Variants in SRRM4 observed in about 807,000 individuals in gnomAD.
SRRM4 encodes the protein serine/arginine repetitive matrix protein 4.
Under a neutral mutation model 68.9 loss-of-function variants are expected in SRRM4, and 33 were observed. That is an observed-to-expected ratio of 0.48 (90% CI 0.36 to 0.64). The LOEUF is 0.64. Ranked by LOEUF, SRRM4 falls within the 30% of genes least tolerant of loss-of-function variation. SRRM4 has a pLI of 0.00. For synonymous variants in SRRM4, 318 were observed against 318.8 expected (o/e 1.00, Z 0.03); for missense variants, 817 against 827.1 (o/e 0.99, Z 0.15).
intron 1 of SRRM4, among the ~76,000 whole-genome samples, chr12:119,037,333 A>G (rs1173567081): frequency 1.3e-5 from 2 of 152,138 alleles, no homozygotes; most frequent in Admixed American, 6.5e-5. Context: ...AGTTTTTCCA[A>G]TCCAGAATGC....
chr12:118,986,290 G>C (rs1041275697), intron 1 of SRRM4, among the ~76,000 whole-genome samples: 2 of 152,162 alleles, frequency 1.3e-5, no homozygotes, highest in African/African-American at 4.8e-5. Context: ...GCTTGCCCTG[G>C]CGGTGAATGA....
chr12:119,012,854 C>G (rs1004635033), intron 1 of SRRM4, among the ~76,000 whole-genome samples: 1 of 152,118 alleles, frequency 6.6e-6, no homozygotes, highest in Non-Finnish European at 1.5e-5. Flanking sequence ...TTGATATTTA[C>G]TACATCTTCA....
chr12:118,999,074 A>G (rs1293446677), intron 1 of SRRM4, among the ~76,000 whole-genome samples: 1 of 152,244 alleles, frequency 6.6e-6, no homozygotes, highest in Non-Finnish European at 1.5e-5. Flanking sequence ...GACAAAATGA[A>G]GACAATCTTG....
intron 1 of SRRM4, among the ~76,000 whole-genome samples, chr12:119,062,526 A>G (rs1274587749): frequency 6.6e-6 from 1 of 152,240 alleles, no homozygotes; most frequent in Non-Finnish European, 1.5e-5. Context: ...TGTACAAAAA[A>G]AAATCTTTAT....
intron 1 of SRRM4, among the ~76,000 whole-genome samples, chr12:118,995,545 T>C (rs1485982850): frequency 6.6e-6 from 1 of 152,154 alleles, no homozygotes; most frequent in East Asian, 1.9e-4. Context: ...TGCCCCATAG[T>C]TCTATTTTGG....
At position 118,981,768 on chromosome 12, in the gene SRRM4, C is replaced by A; in HGVS notation, c.-115C>A. On this transcript the variant is annotated 5_prime_UTR_variant, in exon 1 of 13. Transcript: ENST00000267260. The stretch of plus-strand genomic sequence containing the variant: ...CTGAACTCCGATCTCTCCCACCCCA[C>A]CCCTCTCTGGGTTTCACCCGGACAG... 1.6e-6 allele frequency: 2 copies of A among 1,228,828 alleles called. No individual in the cohort carries two copies. Among genetic ancestry groups the A allele is most frequent in the South Asian group, 1.6e-5 (1 of 64,184 alleles). The allele number at this position is 1,228,828 out of a possible 1,614,324, so 76.1% of individuals were successfully genotyped here.
At chr12:119,117,912 AAAAC>A (rs35121840) in intron 4 of SRRM4, among the ~76,000 whole-genome samples, 172 of 152,066 alleles carry the variant, frequency 1.1e-3, no homozygotes, top group African/African-American at 3.6e-3. Flanking sequence ...CTCTGTCTAA[AAAAC>A]AAACAAACAA....
At chr12:119,100,689 A>T (rs1324864922) in intron 1 of SRRM4, among the ~76,000 whole-genome samples, 2 of 152,226 alleles carry the variant, frequency 1.3e-5, no homozygotes, top group African/African-American at 4.8e-5. Flanking sequence ...ACCCTAGGCC[A>T]GGACAAGTAT....
At chr12:119,146,946 A>C (rs935257315) in intron 9 of SRRM4, among the ~76,000 whole-genome samples, 33 of 152,138 alleles carry the variant, frequency 2.2e-4, no homozygotes, top group African/African-American at 7.7e-4. Context: ...AAAAAAAAAA[A>C]AGAACATATC....
intron 1 of SRRM4, among the ~76,000 whole-genome samples, chr12:119,037,606 ATATGTG>A (rs1364173530): frequency 6.6e-6 from 1 of 152,196 alleles, no homozygotes; most frequent in Non-Finnish European, 1.5e-5. Flanking sequence ...TGATTTATTT[ATATGTG>A]TACCCTGTGG....
chr12:119,005,304 T>C (rs1467861328), intron 1 of SRRM4, among the ~76,000 whole-genome samples: 1 of 152,240 alleles, frequency 6.6e-6, no homozygotes, highest in Non-Finnish European at 1.5e-5. Context: ...CCACAGCTCC[T>C]CTGAGACGAT....
intron 8 of SRRM4, among the ~76,000 whole-genome samples, chr12:119,140,553 T>C (rs1882889658): frequency 6.6e-6 from 1 of 152,152 alleles, no homozygotes; most frequent in South Asian, 2.1e-4. Context: ...TCTATAGGAG[T>C]ACCTTTTCCT....
At chr12:119,103,662 C>G (rs1259039078) in intron 2 of SRRM4, among the ~76,000 whole-genome samples, 1 of 152,138 alleles carries the variant, frequency 6.6e-6, no homozygotes, top group Non-Finnish European at 1.5e-5. Context: ...CCATGATAGG[C>G]AGAGGGAGAT....
Position 119,130,794 on chromosome 12 carries a change from A to G in SRRM4, c.731A>G (p.Gln244Arg), listed in dbSNP as rs1954292776. 3 of 1,608,144 alleles carry G rather than the reference A, an allele frequency of 1.9e-6. No individual in the cohort carries two copies. The highest frequency in any genetic ancestry group is 2.5e-6 in the Non-Finnish European group (3 of 1,179,768). ...PEAQSSRPPS[Q>R]PLQMLGYLSA... ...GCCCAGTCCAGTCGCCCGCCCAGTC[A>G]ACCCCTCCAGATGCTTGGCTACCTG... Residue 244 changes from glutamine (Q) to arginine (R), a missense_variant, in exon 8 of 13, where the codon CAA (glutamine) becomes CGA (arginine). Transcript: ENST00000267260.
At chr12:119,080,933 C>A (rs751835504) in intron 1 of SRRM4, among the ~76,000 whole-genome samples, 1 of 152,190 alleles carries the variant, frequency 6.6e-6, no homozygotes, top group Non-Finnish European at 1.5e-5. Flanking sequence ...TCTGAGCACA[C>A]AAGCCCCAAT....
intron 1 of SRRM4, among the ~76,000 whole-genome samples, chr12:119,069,116 G>A (rs374306567): frequency 1.3e-5 from 2 of 152,104 alleles, no homozygotes; most frequent in South Asian, 2.1e-4. Context: ...GAAGTTCAAG[G>A]TAAGGCAAAA....
chr12:119,004,726 C>G (rs949684455), intron 1 of SRRM4, among the ~76,000 whole-genome samples: 3 of 151,934 alleles, frequency 2.0e-5, no homozygotes, highest in Admixed American at 6.5e-5. Context: ...TCTCGGCTCC[C>G]CCAGACTCAG....
At chr12:118,987,855 A>G (rs58017117) in intron 1 of SRRM4, among the ~76,000 whole-genome samples, 19,252 of 152,272 alleles carry the variant, frequency 0.13, 1,523 homozygotes, top group Non-Finnish European at 0.17. Flanking sequence ...TAGACACAAC[A>G]TAAGTACATA....
chr12:119,137,230 CTA>C (rs1954334711), intron 8 of SRRM4, among the ~76,000 whole-genome samples: 2 of 152,000 alleles, frequency 1.3e-5, no homozygotes, highest in South Asian at 4.2e-4. Flanking sequence ...CCGCCTCTCT[CTA>C]TGGGGCCATT....
Sources: gnomAD v4.1 joint callset for allele counts (sites outside exome capture counted in the v4.1 genomes callset) on GRCh38, gnomAD v4.1.1 for gene constraint, MANE v1.5 for transcripts, NCBI Gene and HGNC (gene_info 2026-07-23, HGNC 2026-07-21) for gene names.